LRRTM3: variants seen among roughly 807,000 people sequenced by gnomAD.
The protein encoded by LRRTM3 is leucine-rich repeat transmembrane neuronal protein 3.
LRRTM3 carries 24 observed loss-of-function variants against 44.7 expected under a neutral mutation model. The ratio of observed to expected loss-of-function variants is 0.54; its 90% CI spans 0.39 to 0.76. The LOEUF (loss-of-function observed/expected upper bound fraction) is 0.76, where lower values mean the gene tolerates loss of function less well. LRRTM3 is among the 30% of genes least tolerant of loss of function. LRRTM3 has a pLI of 0.00. For synonymous variants in LRRTM3, 277 were observed against 278.7 expected (o/e 0.99, Z 0.06); for missense variants, 587 against 702.2 (o/e 0.84, Z 1.85).
At position 67,076,809 on chromosome 10, in the gene LRRTM3, C is replaced by T. The variant is rs1856772027; in HGVS notation, c.1537-20778C>T. Among the ~76,000 whole-genome samples, 2 of 152,104 alleles carry T rather than the reference C, an allele frequency of 1.3e-5. 1 individual carries two copies. Among genetic ancestry groups the T allele is most frequent in the South Asian group, 4.1e-4 (2 of 4,834 alleles). On this transcript the variant is annotated intron_variant, in intron 2 of 2. Transcript: ENST00000361320. ...TGTTCAACTTACCTTTAGAAAAATG[C>T]TCTACTGAAATAAAATCAATTGACA... is the stretch of plus-strand genomic sequence containing the variant.
intron 2 of LRRTM3, among the ~76,000 whole-genome samples, chr10:66,966,200 T>G (rs1238908366): frequency 6.6e-6 from 1 of 152,048 alleles, no homozygotes; most frequent in Admixed American, 6.5e-5. Context: ...ACCATCAGCA[T>G]TAATAAACGA....
intron 2 of LRRTM3, among the ~76,000 whole-genome samples, chr10:66,947,582 C>T (rs1848339496): frequency 6.6e-6 from 1 of 152,152 alleles, no homozygotes; most frequent in Non-Finnish European, 1.5e-5. Context: ...CAGAGACAAA[C>T]ACTAATAAAT....
chr10:66,978,552 A>AAAAAATATATATATATATATAT, intron 2 of LRRTM3, among the ~76,000 whole-genome samples: 1 of 37,884 alleles, frequency 2.6e-5, no homozygotes, highest in Non-Finnish European at 4.8e-5. Flanking sequence ...AAAAAAAAAA[A>AAAAAATATATATATATATATAT]ATATATATAT....
At chr10:67,006,329 T>C (rs2133013762) in intron 2 of LRRTM3, among the ~76,000 whole-genome samples, 1 of 152,310 alleles carries the variant, frequency 6.6e-6, no homozygotes, top group African/African-American at 2.4e-5. Context: ...TTAAAGTATC[T>C]GTCTTACCAA....
At chr10:66,995,008 G>A (rs1340423895) in intron 2 of LRRTM3, among the ~76,000 whole-genome samples, 4 of 152,246 alleles carry the variant, frequency 2.6e-5, no homozygotes, top group African/African-American at 7.2e-5. Context: ...ATTTCCCAGA[G>A]TTCATGCCTT....
chr10:66,928,188 C>T lies in LRRTM3; in HGVS notation c.1272C>T (p.Ser424=). 6.2e-7 allele frequency: 1 copy of T among 1,614,080 alleles called. No individual in the cohort carries two copies. The highest frequency in any genetic ancestry group is 8.5e-7 in the Non-Finnish European group (1 of 1,180,024). The change falls in exon 2 of 3, where the codon AGC becomes AGT. Residue 424 remains serine (S), a synonymous_variant. Transcript: ENST00000361320. ...HISFHKIIAG[S]VALFLSVLVI... ...CTTTCCATAAAATCATCGCGGGCAGCGTGGCGCTTTTCCTGTCCGTGCTCG... is the reference window on the plus strand; with the variant it reads ...CTTTCCATAAAATCATCGCGGGCAGTGTGGCGCTTTTCCTGTCCGTGCTCG...
chr10:67,077,562 A>T (rs931341296), intron 2 of LRRTM3, among the ~76,000 whole-genome samples: 2 of 151,886 alleles, frequency 1.3e-5, no homozygotes, highest in Non-Finnish European at 2.9e-5. Context: ...CCCACTTTCT[A>T]CTTGATTCAT....
chr10:67,002,731 AT>A (rs544059987), intron 2 of LRRTM3, among the ~76,000 whole-genome samples: 285 of 150,316 alleles, frequency 1.9e-3, no homozygotes, highest in African/African-American at 4.8e-3. Context: ...ACCAAGCAGA[AT>A]TTTTTTTTTA....
At chr10:66,984,993 C>G (rs1231832659) in intron 2 of LRRTM3, among the ~76,000 whole-genome samples, 1 of 152,146 alleles carries the variant, frequency 6.6e-6, no homozygotes, top group African/African-American at 2.4e-5. Flanking sequence ...TTCTTCACTA[C>G]TGTTGAGCCA....
intron 2 of LRRTM3, among the ~76,000 whole-genome samples, chr10:66,934,483 C>A (rs1231360980): frequency 6.6e-6 from 1 of 152,082 alleles, no homozygotes; most frequent in African/African-American, 2.4e-5. Context: ...AATATTAGGA[C>A]ATAAAACAAA....
At chr10:66,991,552 T>G (rs1304931329) in intron 2 of LRRTM3, among the ~76,000 whole-genome samples, 1 of 152,106 alleles carries the variant, frequency 6.6e-6, no homozygotes, top group Admixed American at 6.6e-5. Context: ...ACAAATTTAT[T>G]TATTTATTTA....
At chr10:66,963,628 A>AAAAAT (rs1269651171) in intron 2 of LRRTM3, among the ~76,000 whole-genome samples, 4 of 152,120 alleles carry the variant, frequency 2.6e-5, no homozygotes, top group Non-Finnish European at 4.4e-5. Context: ...CAGTTCCCAC[A>AAAAAT]AAAATGATAT....
intron 2 of LRRTM3, among the ~76,000 whole-genome samples, chr10:67,038,228 T>G (rs1281637915): frequency 6.6e-6 from 1 of 152,160 alleles, no homozygotes; most frequent in Admixed American, 6.5e-5. Flanking sequence ...TTATTGTTGT[T>G]GTTGATTAGC....
intron 2 of LRRTM3, among the ~76,000 whole-genome samples, chr10:67,058,083 T>C (rs1345034363): frequency 6.6e-6 from 1 of 152,190 alleles, no homozygotes; most frequent in Admixed American, 6.5e-5. Flanking sequence ...TAATCTTTTC[T>C]TGCATGCTGG....
In LRRTM3 at chr10:66,928,464, T is replaced by C. The variant is rs1036056897; in HGVS notation, c.1536+12T>C. ...CCAGGGAGTGTGAGGTATGAACCAT[T>C]GTGATAAAAAGAGCTCTTAAAAGCT... is the stretch of plus-strand genomic sequence containing the variant. On this transcript the variant is annotated intron_variant, in intron 2 of 2. Coordinates refer to ENST00000361320, the MANE Select transcript of LRRTM3 (RefSeq NM_178011.5). The C allele has an allele frequency of 1.9e-6, 3 of 1,577,936 alleles. No homozygotes were observed. Among genetic ancestry groups the C allele is most frequent in the East Asian group, 2.2e-5 (1 of 44,624 alleles).
At chr10:66,939,324 T>C (rs1310033506) in intron 2 of LRRTM3, among the ~76,000 whole-genome samples, 1 of 152,174 alleles carries the variant, frequency 6.6e-6, no homozygotes, top group Admixed American at 6.6e-5. Flanking sequence ...TCATCTCCAC[T>C]TAAAATTTCT....
At chr10:66,934,085 C>A (rs1252934151) in intron 2 of LRRTM3, among the ~76,000 whole-genome samples, 1 of 151,960 alleles carries the variant, frequency 6.6e-6, no homozygotes. Context: ...ACAGGAATAT[C>A]TGGGACATGA....
chr10:67,048,175 G>A (rs1196504467), intron 2 of LRRTM3, among the ~76,000 whole-genome samples: 2 of 152,012 alleles, frequency 1.3e-5, no homozygotes, highest in African/African-American at 4.8e-5. Context: ...CCATGTTCAT[G>A]AGGTACAAAC....
At chr10:66,950,049 T>C (rs1372189324) in intron 2 of LRRTM3, among the ~76,000 whole-genome samples, 1 of 152,152 alleles carries the variant, frequency 6.6e-6, no homozygotes, top group Non-Finnish European at 1.5e-5. Flanking sequence ...TTAATACCAA[T>C]ATGCTCCAAC....
Sources: allele counts gnomAD v4.1 joint callset (sites outside exome capture counted in the v4.1 genomes callset), GRCh38; gene constraint gnomAD v4.1.1; transcripts MANE v1.5; gene names NCBI Gene and HGNC (gene_info 2026-07-23, HGNC 2026-07-21).